PTPRZ1: variants seen among roughly 807,000 people sequenced by gnomAD.
The protein encoded by PTPRZ1 is protein tyrosine phosphatase receptor type Z1.
A neutral mutation model predicts 214.1 loss-of-function variants in PTPRZ1; 82 were observed. The observed-to-expected ratio is 0.38, with a 90% confidence interval of 0.32 to 0.46. The LOEUF (loss-of-function observed/expected upper bound fraction) is 0.46. Among genes scored for constraint, PTPRZ1 ranks in the 20% least tolerant of loss-of-function variants. The probability of loss-of-function intolerance (pLI) is 1.00; values close to 1 mark genes in which losing one functional copy is unlikely to be tolerated. For synonymous variants in PTPRZ1, 945 were observed against 987.9 expected, an observed-to-expected ratio of 0.96 and a Z score of 0.81; for missense variants, 2,603 against 2,748.7, an observed-to-expected ratio of 0.95 and a Z score of 1.19.
At chr7:121,977,176 A>C (rs977714381) in intron 6 of PTPRZ1, among the ~76,000 whole-genome samples, 2 of 152,212 alleles carry the variant, frequency 1.3e-5, no homozygotes, top group African/African-American at 2.4e-5. Context: ...CATCCGTTAA[A>C]GACTAATTCC....
At chr7:121,960,783 G>A (rs1056270106) in intron 2 of PTPRZ1, among the ~76,000 whole-genome samples, 1 of 151,988 alleles carries the variant, frequency 6.6e-6, no homozygotes, top group Admixed American at 6.5e-5. Context: ...TTAGACTTTA[G>A]TTTTTCTTAG....
At chr7:121,962,425 G>A (rs867625669) in intron 2 of PTPRZ1, among the ~76,000 whole-genome samples, 1 of 148,108 alleles carries the variant, frequency 6.8e-6, no homozygotes, top group Admixed American at 6.8e-5. Flanking sequence ...TCCAGCCTGG[G>A]CAATAGAGAG....
intron 10 of PTPRZ1, among the ~76,000 whole-genome samples, chr7:122,000,420 G>C (rs1798281275): frequency 6.6e-6 from 1 of 151,460 alleles, no homozygotes; most frequent in South Asian, 2.1e-4. Context: ...GACTAATATA[G>C]ATGTAAGTGG....
intron 13 of PTPRZ1, among the ~76,000 whole-genome samples, chr7:122,020,259 T>C (rs984201426): frequency 5.9e-5 from 9 of 152,192 alleles, no homozygotes; most frequent in Admixed American, 2.0e-4. Context: ...AATGAACAAA[T>C]GAATGAAAAA....
At chr7:122,001,203 G>C (rs146785015) in intron 10 of PTPRZ1, among the ~76,000 whole-genome samples, 1 of 151,934 alleles carries the variant, frequency 6.6e-6, no homozygotes, top group African/African-American at 2.4e-5. Context: ...GTAAGTTTGC[G>C]TTCAGAAATT....
At chr7:121,888,141 G>A (rs1794456848) in intron 1 of PTPRZ1, among the ~76,000 whole-genome samples, 1 of 152,028 alleles carries the variant, frequency 6.6e-6, no homozygotes, top group African/African-American at 2.4e-5. Flanking sequence ...AGTGTTTTTT[G>A]ATGCTTCAAA....
rs749721127 is a variant in PTPRZ1, at chr7:122,055,043, G to A, written c.6484G>A (p.Glu2162Lys). The change falls in exon 27 of 30, where the codon GAG becomes AAG. Residue 2162 changes from glutamate to lysine, a missense_variant. Glu to Lys is a moderately conservative substitution (Grantham distance 56, BLOSUM62 1). Around this residue, in one of 6 missense-constraint regions of PTPRZ1, gnomAD observed 134 missense variants for 183.3 expected, o/e 0.73. Transcript: ENST00000393386. ...TGAAGAACACAAATGTCTATCTAATGAGGAAAAACTTATAATTCAGGACTT... is the reference window on the plus strand; with the variant it reads ...TGAAGAACACAAATGTCTATCTAATAAGGAAAAACTTATAATTCAGGACTT... ...MAEEHKCLSN[E>K]EKLIIQDFIL... is the part of the protein sequence containing the mutation. 2.5e-6 allele frequency: 4 copies of A among 1,601,008 alleles called. No homozygotes were observed. In the East Asian group the frequency reaches 6.7e-5, roughly 27 times the overall value.
intron 1 of PTPRZ1, chr7:121,908,359 C>G: frequency 5.2e-5 from 12 of 230,614 alleles, no homozygotes; most frequent in South Asian, 1.4e-4. Context: ...AGATCAATCC[C>G]TTTGGAAAAG....
At chr7:121,940,638 G>C (rs1796211348) in intron 2 of PTPRZ1, among the ~76,000 whole-genome samples, 1 of 152,152 alleles carries the variant, frequency 6.6e-6, no homozygotes, top group Non-Finnish European at 1.5e-5. Flanking sequence ...TATATACAAA[G>C]CAGTTAGAAT....
intron 14 of PTPRZ1, among the ~76,000 whole-genome samples, chr7:122,029,315 A>G (rs916166345): frequency 1.3e-5 from 2 of 152,028 alleles, no homozygotes; most frequent in African/African-American, 4.8e-5. Context: ...GACATCCATT[A>G]ATCCTAGAGT....
intron 6 of PTPRZ1, among the ~76,000 whole-genome samples, chr7:121,979,728 C>T (rs1277694055): frequency 1.3e-5 from 2 of 152,132 alleles, no homozygotes; most frequent in Admixed American, 6.5e-5. Flanking sequence ...TGACTGACCC[C>T]AAATAGAGCA....
At chr7:122,000,575 A>G (rs1165768813) in intron 10 of PTPRZ1, among the ~76,000 whole-genome samples, 1 of 144,700 alleles carries the variant, frequency 6.9e-6, no homozygotes, top group Non-Finnish European at 1.5e-5. Context: ...TAAATATTGT[A>G]TTGCTTTTTG....
At chr7:121,912,384 G>A (rs1194134220) in intron 1 of PTPRZ1, among the ~76,000 whole-genome samples, 1 of 152,128 alleles carries the variant, frequency 6.6e-6, no homozygotes, top group East Asian at 1.9e-4. Context: ...TATTCATTGT[G>A]TTAAATATTC....
chr7:121,997,358 G>A (rs1482809148), intron 9 of PTPRZ1, among the ~76,000 whole-genome samples: 3 of 152,124 alleles, frequency 2.0e-5, no homozygotes, highest in Admixed American at 2.0e-4. Context: ...TAAAATTTTA[G>A]TAACCTTTTA....
chr7:121,968,192 T>A, intron 3 of PTPRZ1, 62 bp downstream of exon 3: 1 of 1,394,018 alleles, frequency 7.2e-7, no homozygotes, highest in Non-Finnish European at 9.7e-7. Context: ...ATGTTTAGAC[T>A]AGTTTCATCT....
rs1300142516 is a variant in PTPRZ1 at position 121,996,638 on chromosome 7, G to A, written c.1113+72G>A. 5.1e-6 allele frequency: 6 copies of A among 1,186,744 alleles called. No homozygotes were observed. The East Asian group carries it at 1.3e-4, about 26-fold the overall frequency. 73.5% of individuals were successfully genotyped at this position (1,186,744 alleles called of 1,614,324 possible). On this transcript the variant is annotated intron_variant, in intron 9 of 29. Coordinates refer to ENST00000393386, the MANE Select transcript of PTPRZ1 (RefSeq NM_002851.3). ...ATTTCCAAGGTAAGAACTTACAAATGGTTGTATATTATTTTCCTCCATTAC... is the reference window on the plus strand; with the variant it reads ...ATTTCCAAGGTAAGAACTTACAAATAGTTGTATATTATTTTCCTCCATTAC...
intron 11 of PTPRZ1, among the ~76,000 whole-genome samples, chr7:122,007,743 T>G (rs937080874): frequency 1.3e-5 from 2 of 152,128 alleles, no homozygotes; most frequent in African/African-American, 2.4e-5. Context: ...TTACACTAAC[T>G]TTTAAAAATG....
intron 1 of PTPRZ1, among the ~76,000 whole-genome samples, chr7:121,906,026 G>A (rs187456680): frequency 1.3e-5 from 2 of 152,292 alleles, no homozygotes; most frequent in East Asian, 1.9e-4. Flanking sequence ...AATAAAAGCT[G>A]TGGTTTTCTG....
chr7:122,006,967 T>G (rs1361225336), intron 11 of PTPRZ1, among the ~76,000 whole-genome samples: 1 of 151,978 alleles, frequency 6.6e-6, no homozygotes, highest in African/African-American at 2.4e-5. Flanking sequence ...GCAGATGCTG[T>G]GGCCTCTGTA....
Sources: allele counts gnomAD v4.1 joint callset (sites outside exome capture counted in the v4.1 genomes callset), GRCh38; gene constraint gnomAD v4.1.1; regional missense constraint gnomAD v4.1.1; transcripts MANE v1.5; gene names NCBI Gene and HGNC (gene_info 2026-07-23, HGNC 2026-07-21).